The following ZBTB16 variants were observed in gnomAD, a reference collection of about 807,000 sequenced individuals.
The protein encoded by ZBTB16 is zinc finger and BTB domain containing 16.
A neutral mutation model predicts 56.8 loss-of-function variants in ZBTB16; 8 were observed. The observed-to-expected ratio is 0.14, with a 90% CI of 0.08 to 0.25. ZBTB16 has a LOEUF of 0.25. Ranked by LOEUF, ZBTB16 falls within the 10% of genes least tolerant of loss-of-function variation. The pLI is 1.00. For synonymous variants in ZBTB16, 363 were observed against 368.5 expected (o/e 0.98, Z 0.17); for missense variants, 625 against 903.0 (o/e 0.69, Z 3.95).
At chr11:114,102,304 G>T (rs1241775538) in intron 2 of ZBTB16, among the ~76,000 whole-genome samples, 1 of 152,194 alleles carries the variant, frequency 6.6e-6, no homozygotes, top group Admixed American at 6.5e-5. Flanking sequence ...TGGCAGCCAA[G>T]TTTGGGTTTA....
At chr11:114,134,744 A>G (rs1395198198) in intron 2 of ZBTB16, among the ~76,000 whole-genome samples, 1 of 152,190 alleles carries the variant, frequency 6.6e-6, no homozygotes, top group African/African-American at 2.4e-5. Context: ...ATTTTAACTC[A>G]CCCTCCTCAT....
chr11:114,063,739 G>T lies in ZBTB16; in HGVS notation c.439G>T (p.Asp147Tyr). The change falls in exon 2 of 7, where the codon GAC becomes TAC. Residue 147 changes from aspartate (D) to tyrosine (Y), a missense_variant. Around this residue, in one of 6 missense-constraint regions of ZBTB16, gnomAD observed 384 missense variants for 393.5 expected, o/e 0.98. Transcript: ENST00000335953. This position sits in a 1 kb window ranked among gnomAD's most constrained non-coding sequence, Gnocchi z 6.5. ...MADGGAEEEE[D>Y]RKARYLKNIF... The stretch of plus-strand genomic sequence containing the variant: ...CGATGGCGGGGCCGAGGAAGAAGAG[G>T]ACCGCAAGGCTCGGTACCTCAAGAA... 6.2e-7 allele frequency: 1 copy of T among 1,613,974 alleles called. No individual in the cohort carries two copies.
intron 2 of ZBTB16, among the ~76,000 whole-genome samples, chr11:114,100,202 G>A (rs1339785303): frequency 1.3e-5 from 2 of 152,160 alleles, no homozygotes; most frequent in Non-Finnish European, 2.9e-5. Context: ...GTGGCAAAAT[G>A]TCTCTTTCCT....
chr11:114,244,104 A>G (rs1006561935), intron 5 of ZBTB16, among the ~76,000 whole-genome samples: 18 of 152,124 alleles, frequency 1.2e-4, no homozygotes, highest in African/African-American at 4.3e-4. Context: ...CCTCATTAAT[A>G]TTCCGTTGTT....
At chr11:114,210,419 A>G (rs1943977297) in intron 4 of ZBTB16, among the ~76,000 whole-genome samples, 1 of 152,172 alleles carries the variant, frequency 6.6e-6, no homozygotes, top group Non-Finnish European at 1.5e-5. Context: ...AATTAGCACA[A>G]ATCTCTGTCT....
chr11:114,175,978 GGTGT>G (rs34506617), intron 3 of ZBTB16, among the ~76,000 whole-genome samples: 88 of 148,072 alleles, frequency 5.9e-4, no homozygotes, highest in South Asian at 1.5e-3. Flanking sequence ...AGGGGAGAGG[GGTGT>G]GTGTGTGTGT....
intron 4 of ZBTB16, among the ~76,000 whole-genome samples, chr11:114,216,927 T>C (rs1206394939): frequency 1.0e-5 from 1 of 98,700 alleles, no homozygotes; most frequent in African/African-American, 3.8e-5. Flanking sequence ...GAATGCTGAG[T>C]GCAGCGATAG....
intron 2 of ZBTB16, among the ~76,000 whole-genome samples, chr11:114,148,409 C>A: frequency 2.9e-5 from 1 of 34,124 alleles, no homozygotes; most frequent in East Asian, 3.5e-4. Context: ...CCCTCCCTCC[C>A]TCCCTCCCTC....
rs999011519 is a variant in ZBTB16 at position 114,250,048 on chromosome 11, G to A, written c.1793-278G>A. On this transcript the variant is annotated intron_variant, in intron 6 of 6. Transcript: ENST00000335953. The surrounding 1 kb of genome is among the most constrained non-coding windows in gnomAD (Gnocchi z 6.0). The stretch of plus-strand genomic sequence containing the variant: ...TTAAGAATAGTAAGACAAGGAGCTG[G>A]GCAATCCAGTAGTCAACTAGCTACA... Among the ~76,000 whole-genome samples the A allele has an allele frequency of 6.6e-6, 1 of 152,112 alleles. No homozygotes were observed.
chr11:114,128,556 G>A (rs1941576890), intron 2 of ZBTB16, among the ~76,000 whole-genome samples: 1 of 152,172 alleles, frequency 6.6e-6, no homozygotes, highest in Admixed American at 6.5e-5. Flanking sequence ...CCTAGGGTGT[G>A]TTATGGGATG....
In ZBTB16 at chr11:114,063,790, G is replaced by A. The variant is rs372617173; in HGVS notation, c.490G>A (p.Glu164Lys). The change falls in exon 2 of 7, where the codon GAG becomes AAG. Residue 164 changes from glutamate to lysine, a missense_variant. Glu to Lys is a moderately conservative substitution (Grantham distance 56). Transcript: ENST00000335953. The surrounding 1 kb of genome is among the most constrained non-coding windows in gnomAD (Gnocchi z 6.5). ...KNIFISKHSS[E>K]ESGYASVAGQ... ...CATCTTCATCTCGAAGCATTCCAGC[G>A]AGGAGAGTGGGTATGCCAGTGTGGC... The A allele has an allele frequency of 1.2e-5, 20 of 1,614,154 alleles. No individual in the cohort carries two copies. The highest frequency in any genetic ancestry group is 1.7e-5 in the Admixed American group (1 of 60,032).
At chr11:114,069,873 A>G (rs1339852266) in intron 2 of ZBTB16, among the ~76,000 whole-genome samples, 4 of 152,174 alleles carry the variant, frequency 2.6e-5, no homozygotes, top group Non-Finnish European at 5.9e-5. Flanking sequence ...CCATAATCCC[A>G]TATCTGTGAT....
intron 3 of ZBTB16, among the ~76,000 whole-genome samples, chr11:114,179,321 A>T (rs1943192033): frequency 6.6e-6 from 1 of 151,074 alleles, no homozygotes; most frequent in African/African-American, 2.4e-5. Context: ...CCTCTCTGGG[A>T]GTACACATCT....
chr11:114,146,224 T>A (rs1183726027), intron 2 of ZBTB16, among the ~76,000 whole-genome samples: 3 of 152,042 alleles, frequency 2.0e-5, no homozygotes, highest in Non-Finnish European at 4.4e-5. Context: ...ACTTTTTTTC[T>A]TAGAGGCCTC....
chr11:114,203,663 C>T (rs1591778556), intron 4 of ZBTB16, among the ~76,000 whole-genome samples: 1 of 150,900 alleles, frequency 6.6e-6, no homozygotes, highest in South Asian at 2.1e-4. Context: ...AAACAACTTC[C>T]AGGTATGTTG....
chr11:114,226,186 G>A (rs1944324057), intron 4 of ZBTB16, among the ~76,000 whole-genome samples: 1 of 152,172 alleles, frequency 6.6e-6, no homozygotes, highest in Non-Finnish European at 1.5e-5. Context: ...GAGTCAGTAA[G>A]TGAGTAACTG....
chr11:114,068,745 C>G (rs148070202), intron 2 of ZBTB16, among the ~76,000 whole-genome samples: 9 of 152,318 alleles, frequency 5.9e-5, no homozygotes, highest in African/African-American at 2.2e-4. Context: ...ACTGGGCCCT[C>G]CCTTTCTTAT....
intron 3 of ZBTB16, 96 bp downstream of exon 3, chr11:114,156,530 C>T: frequency 8.7e-7 from 1 of 1,153,556 alleles, no homozygotes; most frequent in East Asian, 2.4e-5. Context: ...CTGCATGTCC[C>T]CACTGCCCGC....
chr11:114,233,125 ACTCT>A lies in ZBTB16; in HGVS notation c.1454-9032_1454-9029del, dbSNP rs34864436. Among the ~76,000 whole-genome samples, 401 of 54,730 alleles carry A rather than the reference ACTCT, an allele frequency of 7.3e-3. 7 individuals carry two copies. The highest frequency in any genetic ancestry group is 0.015 in the East Asian group (21 of 1,386). 35.9% of individuals were successfully genotyped at this position (54,730 alleles called of 152,430 possible). A position where few individuals can be genotyped will look rare whatever the true frequency, so the allele number is the denominator to read the frequency against. On this transcript the variant is annotated intron_variant, in intron 4 of 6. Transcript: ENST00000335953. ...CACACACACACACACACACACACAC[ACTCT>A]CTCTCTCTCACACTCCCTTTCCTTC...
Sources: allele counts gnomAD v4.1 joint callset (sites outside exome capture counted in the v4.1 genomes callset), GRCh38; gene constraint gnomAD v4.1.1; regional missense constraint gnomAD v4.1.1; non-coding constraint Gnocchi (gnomAD v3.1); transcripts MANE v1.5; gene names NCBI Gene and HGNC (gene_info 2026-07-23, HGNC 2026-07-21).